GMEB2: variants seen among roughly 807,000 people sequenced by gnomAD.
GMEB2 encodes the protein glucocorticoid modulatory element-binding protein 2.
GMEB2 carries 7 observed loss-of-function variants against 45.7 expected under a neutral mutation model. That is an observed-to-expected ratio of 0.15 (90% CI 0.09 to 0.29). GMEB2 has a LOEUF of 0.29. GMEB2 is among the 10% of genes least tolerant of loss of function. GMEB2 has a pLI of 1.00. For synonymous variants in GMEB2, 322 were observed against 323.6 expected (o/e 1.00, Z 0.05); for missense variants, 582 against 739.2 (o/e 0.79, Z 2.47).
intron 4 of GMEB2, among the ~76,000 whole-genome samples, chr20:63,601,025 C>CA (rs1262404570): frequency 6.6e-6 from 1 of 152,222 alleles, no homozygotes; most frequent in Non-Finnish European, 1.5e-5. Context: ...GCAATGGCTG[C>CA]ATGGTTTACA....
chr20:63,590,880 C>T, intron 9 of GMEB2, 151 bp from the exon 10 acceptor site: 1 of 492,960 alleles, frequency 2.0e-6, no homozygotes, highest in Non-Finnish European at 3.5e-6. Flanking sequence ...CCCAGATGAC[C>T]ACATGGCCGC....
In GMEB2 at chr20:63,619,030, C is replaced by T. The variant is rs2089627313; in HGVS notation, c.131+237G>A. Among the ~76,000 whole-genome samples the T allele has an allele frequency of 6.6e-6, 1 of 152,214 alleles. No individual in the cohort carries two copies. The highest frequency in any genetic ancestry group is 1.5e-5 in the Non-Finnish European group (1 of 68,044). The stretch of plus-strand genomic sequence containing the variant: ...AATCACGGCCTTTCAGGACGTGGAG[C>T]CACGTGGCCATGCAGGTACGGGAGG... On this transcript the variant is annotated intron_variant, in intron 2 of 9. Coordinates refer to ENST00000370077, the MANE Select transcript of GMEB2 (RefSeq NM_012384.5). This position sits in a 1 kb window ranked among gnomAD's most constrained non-coding sequence, Gnocchi z 4.6.
Position 63,609,479 on chromosome 20 carries a change from C to G in GMEB2, c.132-4639G>C, listed in dbSNP as rs1329035557. Among the ~76,000 whole-genome samples the G allele has an allele frequency of 2.9e-4, 14 of 47,890 alleles. 4 individuals are homozygous for G. Among genetic ancestry groups the G allele is most frequent in the South Asian group, 8.7e-4 (1 of 1,144 alleles). 31.4% of individuals were successfully genotyped at this position (47,890 alleles called of 152,430 possible). A position where few individuals can be genotyped will look rare whatever the true frequency, so the allele number is the denominator to read the frequency against. On this transcript the variant is annotated intron_variant, in intron 2 of 9. Transcript: ENST00000370077. ...CATCCATTTCTAGAAACATGTCCCT[C>G]TGACCCCACATCCATTTCTAGAAAC...
At chr20:63,603,552 A>G (rs747199098) in intron 3 of GMEB2, among the ~76,000 whole-genome samples, 3 of 151,544 alleles carry the variant, frequency 2.0e-5, no homozygotes, top group Non-Finnish European at 4.4e-5. Flanking sequence ...AACATGGTGA[A>G]ACCCCGTCTC....
In GMEB2 at chr20:63,619,624, G is replaced by C; in HGVS notation, c.-57-170C>G. The C allele has an allele frequency of 2.3e-6, 1 of 429,010 alleles. No homozygotes were observed. The highest frequency in any genetic ancestry group is 4.5e-5 in the East Asian group (1 of 22,376). The allele number at this position is 429,010 out of a possible 1,614,324, so 26.6% of individuals were successfully genotyped here. ...AAGGGCTACTCCAGGCTCTGGTTCC[G>C]AGGGCGGTGTAAGCGCACTCCACCC... On this transcript the variant is annotated intron_variant, in intron 1 of 9. Transcript: ENST00000370077. This position sits in a 1 kb window ranked among gnomAD's most constrained non-coding sequence, Gnocchi z 4.6.
chr20:63,623,714 C>T (rs1213790530), intron 1 of GMEB2, among the ~76,000 whole-genome samples: 2 of 151,824 alleles, frequency 1.3e-5, no homozygotes, highest in Non-Finnish European at 2.9e-5. Flanking sequence ...AGGAGAATCG[C>T]TTGAACCTGG....
chr20:63,590,831 G>A (rs760141213), intron 9 of GMEB2, 102 bp from the exon 10 acceptor site: 29 of 694,796 alleles, frequency 4.2e-5, no homozygotes, highest in Non-Finnish European at 6.0e-5. Flanking sequence ...TGGCCCCTGG[G>A]TCAGTGGCAA....
chr20:63,590,139 T>C lies in GMEB2; in HGVS notation c.1543A>G (p.Thr515Ala). The C allele has an allele frequency of 6.4e-7, 1 of 1,551,206 alleles. No homozygotes were observed. Among genetic ancestry groups the C allele is most frequent in the South Asian group, 1.2e-5 (1 of 83,934 alleles). ...AGAAPGPEEH[T>A]ATIEVAAMAE... ...ATGGCAGCCACCTCAATGGTGGCCG[T>C]GTGCTCCTCAGGCCCGGGGGCAGCC... The change falls in exon 10 of 10, where the codon ACG becomes GCG. Residue 515 changes from threonine to alanine, a missense_variant. Physicochemically the swap from Thr to Ala is moderately conservative, Grantham distance 58. This residue lies in a region of GMEB2 where 462 missense variants were observed against 586.7 expected (regional missense o/e 0.79). Transcript: ENST00000370077.
At chr20:63,599,203 GTGGCCGCTCCTGACCCCC>G (rs1569050892) in intron 4 of GMEB2, among the ~76,000 whole-genome samples, 2 of 148,156 alleles carry the variant, frequency 1.3e-5, no homozygotes, top group African/African-American at 2.6e-5. Flanking sequence ...CGGAGCTAAC[GTGGCCGCTCCTGACCCCC>G]CGGAGCTAAC....
chr20:63,613,295 G>A (rs953952864), intron 2 of GMEB2, among the ~76,000 whole-genome samples: 6 of 152,314 alleles, frequency 3.9e-5, no homozygotes, highest in African/African-American at 1.4e-4. Context: ...TGTTCATAAA[G>A]CAAAGCTAAC....
In GMEB2 at chr20:63,593,836, ACACGGCAAAAC is replaced by A. The variant is rs1171003916; in HGVS notation, c.620-765_620-755del. ...CAGGAGTTCGAGAACAGCCTGGGCA[ACACGGCAAAAC>A]CCCGTCTCTACTAAAATACAAAGTC... On this transcript the variant is annotated intron_variant, in intron 6 of 9. Coordinates refer to ENST00000370077, the MANE Select transcript of GMEB2 (RefSeq NM_012384.5). This position sits in a 1 kb window ranked among gnomAD's most constrained non-coding sequence, Gnocchi z 4.7. Among the ~76,000 whole-genome samples the A allele has an allele frequency of 6.6e-6, 1 of 152,232 alleles. No individual in the cohort carries two copies. The highest frequency in any genetic ancestry group is 2.4e-5 in the African/African-American group (1 of 41,450).
Position 63,590,407 on chromosome 20 carries a change from G to A in GMEB2, c.1275C>T (p.Ser425=). The A allele has an allele frequency of 1.3e-6, 2 of 1,576,904 alleles. No individual in the cohort carries two copies. Among genetic ancestry groups the A allele is most frequent in the Non-Finnish European group, 8.7e-7 (1 of 1,155,764 alleles). ...AGACTGTGTATCCCCCGAGCAGCGG[G>A]GAGGCCGGGGAGCTGGCGGGGGGCG... ...LQAPPASSPA[S]PLLGGYTVLA... The change falls in exon 10 of 10, where the codon TCC becomes TCT. Residue 425 remains serine, a synonymous_variant. Transcript: ENST00000370077.
chr20:63,593,476 T>G lies in GMEB2; in HGVS notation c.620-394A>C, dbSNP rs2083168048. 6.6e-6 allele frequency among the ~76,000 whole-genome samples: 1 copy of G among 151,788 alleles called. No individual in the cohort carries two copies. Among genetic ancestry groups the G allele is most frequent in the Non-Finnish European group, 1.5e-5 (1 of 67,992 alleles). On this transcript the variant is annotated intron_variant, in intron 6 of 9. Coordinates refer to ENST00000370077, the MANE Select transcript of GMEB2 (RefSeq NM_012384.5). The surrounding 1 kb of genome is among the most constrained non-coding windows in gnomAD (Gnocchi z 4.7). ...TCCCACCGAGAGCTCTGCGGCTGCG[T>G]CTGTCGCCCGTGGGGCTCGCCCTCA...
At position 63,619,530 on chromosome 20, in the gene GMEB2, C is replaced by T; in HGVS notation, c.-57-76G>A. On this transcript the variant is annotated intron_variant, in intron 1 of 9. Transcript: ENST00000370077. The surrounding 1 kb of genome is among the most constrained non-coding windows in gnomAD (Gnocchi z 4.6). The stretch of plus-strand genomic sequence containing the variant: ...CAACATAGCACTCACAAAGGCATCT[C>T]TAATCAGCTCCAAAGACCCACCCTT... The T allele has an allele frequency of 1.2e-6, 1 of 852,592 alleles. No individual in the cohort carries two copies. Among genetic ancestry groups the T allele is most frequent in the Non-Finnish European group, 1.7e-6 (1 of 576,934 alleles). 52.8% of individuals were successfully genotyped at this position (852,592 alleles called of 1,614,324 possible).
chr20:63,594,325 G>A (rs1231267052), intron 6 of GMEB2, among the ~76,000 whole-genome samples: 3 of 152,238 alleles, frequency 2.0e-5, no homozygotes, highest in Non-Finnish European at 4.4e-5. Context: ...TTCCTTCCCT[G>A]GCAGGCGGTC....
chr20:63,599,888 G>A (rs1227566813), intron 4 of GMEB2, among the ~76,000 whole-genome samples: 1 of 152,128 alleles, frequency 6.6e-6, no homozygotes, highest in Non-Finnish European at 1.5e-5. Flanking sequence ...GGGCCCCTGG[G>A]CCCTCAACAC....
At chr20:63,594,669 C>A (rs1248084416) in intron 6 of GMEB2, among the ~76,000 whole-genome samples, 1 of 152,242 alleles carries the variant, frequency 6.6e-6, no homozygotes, top group African/African-American at 2.4e-5. Context: ...AGGGACAATG[C>A]ATGTGGCATT....
intron 1 of GMEB2, among the ~76,000 whole-genome samples, chr20:63,621,547 G>T (rs1333703081): frequency 6.7e-6 from 1 of 150,196 alleles, no homozygotes; most frequent in Admixed American, 6.6e-5. Context: ...GGCACCTGTA[G>T]TCCCAGCTAC....
intron 1 of GMEB2, among the ~76,000 whole-genome samples, chr20:63,620,601 C>T (rs1433156791): frequency 6.6e-6 from 1 of 152,194 alleles, no homozygotes; most frequent in Admixed American, 6.5e-5. Context: ...CAGGATAGGC[C>T]ACTGCCCAGG....
Sources: allele counts gnomAD v4.1 joint callset (sites outside exome capture counted in the v4.1 genomes callset), GRCh38; gene constraint gnomAD v4.1.1; regional missense constraint gnomAD v4.1.1; non-coding constraint Gnocchi (gnomAD v3.1); transcripts MANE v1.5; gene names NCBI Gene and HGNC (gene_info 2026-07-23, HGNC 2026-07-21).